Variants in NOVA2 observed in about 807,000 individuals in gnomAD.
NOVA2 encodes RNA-binding protein Nova-2.
A neutral mutation model predicts 22.5 loss-of-function variants in NOVA2; 9 were observed. The ratio of observed to expected loss-of-function variants is 0.40; its 90% CI spans 0.24 to 0.70. The LOEUF (loss-of-function observed/expected upper bound fraction) is 0.70, where lower values mean the gene tolerates loss of function less well. Among genes scored for constraint, NOVA2 ranks in the 30% least tolerant of loss-of-function variants. The pLI is 0.38. For synonymous variants in NOVA2, 318 were observed against 335.2 expected (o/e 0.95, Z 0.56); for missense variants, 383 against 682.8 (o/e 0.56, Z 4.89).
At chr19:45,955,685 C>A (rs1967994129) in intron 2 of NOVA2, among the ~76,000 whole-genome samples, 1 of 151,978 alleles carries the variant, frequency 6.6e-6, no homozygotes, top group Non-Finnish European at 1.5e-5. Flanking sequence ...TGGTGAAACC[C>A]TGTTTCTACT....
intron 3 of NOVA2, among the ~76,000 whole-genome samples, chr19:45,949,340 A>G (rs900665485): frequency 9.3e-6 from 1 of 107,914 alleles, no homozygotes; most frequent in Non-Finnish European, 2.0e-5. Flanking sequence ...AAAAAAAAAA[A>G]CACCAGGAAA....
In NOVA2 at chr19:45,936,559, G is replaced by A. The variant is rs1467200573; in HGVS notation, c.*3304C>T. The A allele has an allele frequency of 6.6e-6, 1 of 150,754 alleles. No homozygotes were observed. Among genetic ancestry groups the A allele is most frequent in the Non-Finnish European group, 1.5e-5 (1 of 67,886 alleles). 9.3% of individuals were successfully genotyped at this position (150,754 alleles called of 1,614,324 possible). On this transcript the variant is annotated 3_prime_UTR_variant, in exon 4 of 4. Transcript: ENST00000263257. ...AGCGGCTCAGTTCCAAGGAAGTTTG[G>A]CACTTTTTTTTTTTTTTAAATGGGG...
At chr19:45,941,084 G>A (rs1260201819) in intron 3 of NOVA2, 139 bp from the exon 4 acceptor site, 2 of 789,366 alleles carry the variant, frequency 2.5e-6, no homozygotes, top group Non-Finnish European at 3.9e-6. Flanking sequence ...GAGGTCAGGA[G>A]TTCCAGACTA....
chr19:45,973,324 T>A lies in NOVA2; in HGVS notation c.28A>T (p.Lys10Ter). 1 of 1,267,812 alleles carries A rather than the reference T, an allele frequency of 7.9e-7. No homozygotes were observed. The highest frequency in any genetic ancestry group is 1.0e-6 in the Non-Finnish European group (1 of 1,001,174). The allele number at this position is 1,267,812 out of a possible 1,614,324, so 78.5% of individuals were successfully genotyped here. ...TCGGGGGGCGTTTCGAGGGGCCTCT[T>A]GCGGGAATCCGGGGCCTCGGGCTCC... MEPEAPDSR[K>*]RPLETPPEVV... is the part of the protein sequence containing the mutation. Residue 10 changes from lysine to a stop codon, truncating the protein, a stop_gained, in exon 1 of 4, where the codon AAG becomes TAG. Transcript: ENST00000263257. LOFTEE classifies it high-confidence loss of function.
intron 1 of NOVA2, among the ~76,000 whole-genome samples, chr19:45,970,960 T>A (rs908608068): frequency 6.6e-6 from 1 of 151,990 alleles, no homozygotes; most frequent in African/African-American, 2.4e-5. Context: ...CATCCTAGTT[T>A]CCCCGCTGTG....
chr19:45,937,628 C>G lies in NOVA2; in HGVS notation c.*2235G>C. On this transcript the variant is annotated 3_prime_UTR_variant, in exon 4 of 4. Transcript: ENST00000263257. The stretch of plus-strand genomic sequence containing the variant: ...ATTGTTTTGGCACTCAGATCTCCAT[C>G]TGGGTTCAGTCTGGAGATTAGGGGT... 1 of 151,998 alleles carries G rather than the reference C, an allele frequency of 6.6e-6. No homozygotes were observed. The highest frequency in any genetic ancestry group is 1.5e-5 in the Non-Finnish European group (1 of 68,008). 9.4% of individuals were successfully genotyped at this position (151,998 alleles called of 1,614,324 possible).
At chr19:45,968,437 T>C (rs976366180) in intron 1 of NOVA2, among the ~76,000 whole-genome samples, 1 of 151,912 alleles carries the variant, frequency 6.6e-6, no homozygotes, top group Non-Finnish European at 1.5e-5. Flanking sequence ...AGAGTGTGCT[T>C]ATGTAGGGAT....
At chr19:45,972,449 C>G (rs1010951881) in intron 1 of NOVA2, among the ~76,000 whole-genome samples, 3 of 152,146 alleles carry the variant, frequency 2.0e-5, no homozygotes, top group Non-Finnish European at 2.9e-5. Context: ...TTCGGTGTCC[C>G]CCACACACCT....
chr19:45,968,584 A>G (rs895769267), intron 1 of NOVA2, among the ~76,000 whole-genome samples: 1 of 151,838 alleles, frequency 6.6e-6, no homozygotes, highest in Non-Finnish European at 1.5e-5. Context: ...ATACACTTAT[A>G]TAATAATAAT....
intron 1 of NOVA2, among the ~76,000 whole-genome samples, chr19:45,972,612 CT>C (rs1223593200): frequency 1.3e-5 from 2 of 152,142 alleles, no homozygotes; most frequent in African/African-American, 2.4e-5. Context: ...ATACACCCCC[CT>C]ATGCTGTCAT....
Position 45,973,131 on chromosome 19 carries a change from C to G in NOVA2, c.85+136G>C, listed in dbSNP as rs564940508. 1.2e-4 allele frequency: 34 copies of G among 293,332 alleles called. No homozygotes were observed. In the East Asian group the frequency reaches 1.9e-3, roughly 17 times the overall value. The allele number at this position is 293,332 out of a possible 1,614,324, so 18.2% of individuals were successfully genotyped here. ...GTCCAGCCCCCTCCTCAACTCCCCG[C>G]TCTGTCCCCCGCCTCGGGGAGGGGT... On this transcript the variant is annotated intron_variant, in intron 1 of 3. Transcript: ENST00000263257.
At chr19:45,953,336 C>G (rs1967954766) in intron 3 of NOVA2, among the ~76,000 whole-genome samples, 1 of 152,172 alleles carries the variant, frequency 6.6e-6, no homozygotes, top group Non-Finnish European at 1.5e-5. Flanking sequence ...CCTCTACCCC[C>G]ATACGTTAAT....
intron 3 of NOVA2, among the ~76,000 whole-genome samples, chr19:45,947,088 T>C (rs1658979414): frequency 1.3e-5 from 2 of 152,160 alleles, no homozygotes; most frequent in Non-Finnish European, 2.9e-5. Context: ...TTTTTCTTCA[T>C]AGTATTTTTC....
intron 1 of NOVA2, among the ~76,000 whole-genome samples, chr19:45,963,152 G>A (rs1056611997): frequency 2.0e-5 from 3 of 151,930 alleles, no homozygotes; most frequent in Non-Finnish European, 4.4e-5. Context: ...AGGCGGAGGC[G>A]GGCAGATCAC....
In NOVA2 at chr19:45,953,886, C is replaced by G. The variant is rs1967964507; in HGVS notation, c.290G>C (p.Ser97Thr). 2 of 1,614,204 alleles carry G rather than the reference C, an allele frequency of 1.2e-6. No individual in the cohort carries two copies. Among genetic ancestry groups the G allele is most frequent in the Middle Eastern group, 1.6e-4 (1 of 6,062 alleles). ...GTAEALNAVH[S>T]FIAEKVREIP... is the part of the protein sequence containing the mutation. ...TTCTCGGACCTTCTCGGCAATAAAG[C>G]TGTGCACAGCATTCAAGGCCTCTGC... Residue 97 changes from serine to threonine, a missense_variant, in exon 3 of 4, where the codon AGC becomes ACC. Coordinates refer to ENST00000263257, the MANE Select transcript of NOVA2 (RefSeq NM_002516.4).
At chr19:45,943,699 C>T (rs1967795594) in intron 3 of NOVA2, among the ~76,000 whole-genome samples, 1 of 149,686 alleles carries the variant, frequency 6.7e-6, no homozygotes, top group Admixed American at 6.7e-5. Context: ...ACCTGGGCAA[C>T]ACAGTGAAAC....
intron 3 of NOVA2, among the ~76,000 whole-genome samples, chr19:45,942,544 A>C (rs921043603): frequency 6.6e-6 from 1 of 152,054 alleles, no homozygotes; most frequent in African/African-American, 2.4e-5. Flanking sequence ...CTGTCTGTAA[A>C]ATGAAGATAA....
rs185658813 is a variant in NOVA2 at position 45,945,675 on chromosome 19, C to T, written c.397-4730G>A. On this transcript the variant is annotated intron_variant, in intron 3 of 3. Transcript: ENST00000263257. ...TCAATAAAGCTGTCAAAAAGTCTTA[C>T]GGGTGTAGATATGTCTATATGTGTA... Among the ~76,000 whole-genome samples the T allele has an allele frequency of 3.4e-3, 513 of 152,056 alleles. 12 individuals are homozygous for T. Among genetic ancestry groups the T allele is most frequent in the Non-Finnish European group, 8.8e-4 (60 of 67,984 alleles).
intron 3 of NOVA2, among the ~76,000 whole-genome samples, chr19:45,943,218 T>A (rs555443238): frequency 6.6e-6 from 1 of 151,448 alleles, no homozygotes; most frequent in African/African-American, 2.4e-5. Flanking sequence ...CATGCCCAGC[T>A]AATTTTTTTG....
Sources: gnomAD v4.1 joint callset for allele counts (sites outside exome capture counted in the v4.1 genomes callset) on GRCh38, gnomAD v4.1.1 for gene constraint, MANE v1.5 for transcripts, NCBI Gene and HGNC (gene_info 2026-07-23, HGNC 2026-07-21) for gene names.